The following PEX5L variants were observed in gnomAD, a reference collection of about 807,000 sequenced individuals.
PEX5L encodes the protein peroxisomal biogenesis factor 5 like.
PEX5L carries 30 observed loss-of-function variants against 84.0 expected under a neutral mutation model. That is an observed-to-expected ratio of 0.36 (90% CI 0.27 to 0.48). The LOEUF (loss-of-function observed/expected upper bound fraction) is 0.48. Among genes scored for constraint, PEX5L ranks in the 20% least tolerant of loss-of-function variants. PEX5L has a pLI of 0.99. For missense variants in PEX5L, 533 were observed against 754.6 expected (o/e 0.71, Z 3.44); for synonymous variants, 270 against 283.1 (o/e 0.95, Z 0.46).
At chr3:179,902,328 C>G (rs1358080274) in intron 2 of PEX5L, among the ~76,000 whole-genome samples, 1 of 152,190 alleles carries the variant, frequency 6.6e-6, no homozygotes, top group Non-Finnish European at 1.5e-5. Context: ...GAGGGCTCTC[C>G]CTGCTGCCCT....
At chr3:180,001,124 T>C (rs6773711) in intron 1 of PEX5L, among the ~76,000 whole-genome samples, 11,861 of 151,864 alleles carry the variant, frequency 0.078, 742 homozygotes, top group African/African-American at 0.17. Context: ...GGCAGGAAAA[T>C]GTGAAAAGAC....
chr3:180,010,993 G>C (rs542915685), intron 1 of PEX5L, among the ~76,000 whole-genome samples: 1 of 152,130 alleles, frequency 6.6e-6, no homozygotes, highest in Admixed American at 6.6e-5. Flanking sequence ...TCAAATACAG[G>C]GTCTTCCACT....
chr3:179,916,537 ATAC>A (rs1767163187), intron 2 of PEX5L, among the ~76,000 whole-genome samples: 1 of 152,218 alleles, frequency 6.6e-6, no homozygotes, highest in African/African-American at 2.4e-5. Context: ...ACATTACTGT[ATAC>A]TACTGTAGAC....
Position 180,036,753 on chromosome 3 carries a change from G to T in PEX5L, c.-154C>A, listed in dbSNP as rs1259061579. The stretch of plus-strand genomic sequence containing the variant: ...AGCTCCGGGTACTCGGCCGGCCGGC[G>T]GCCACTCGGCAGCGCTGCGGGCTGC... On this transcript the variant is annotated 5_prime_UTR_variant, in exon 1 of 15. Coordinates refer to ENST00000467460, the MANE Select transcript of PEX5L (RefSeq NM_016559.3). 15 of 767,780 alleles carry T rather than the reference G, an allele frequency of 2.0e-5. No individual in the cohort carries two copies. The highest frequency in any genetic ancestry group is 3.2e-5 in the Non-Finnish European group (14 of 433,986). The allele number at this position is 767,780 out of a possible 1,614,324, so 47.6% of individuals were successfully genotyped here.
In PEX5L at chr3:179,800,579, A is replaced by G. The variant is rs1321703516; in HGVS notation, c.*1249T>C. 2 of 152,240 alleles carry G rather than the reference A, an allele frequency of 1.3e-5. No homozygotes were observed. Among genetic ancestry groups the G allele is most frequent in the African/African-American group, 4.8e-5 (2 of 41,464 alleles). 9.4% of individuals were successfully genotyped at this position (152,240 alleles called of 1,614,324 possible). A position where few individuals can be genotyped will look rare whatever the true frequency, so the allele number is the denominator to read the frequency against. On this transcript the variant is annotated 3_prime_UTR_variant, in exon 15 of 15. Transcript: ENST00000467460. ...TCAACCAATTAAAACACCACTGCTAATAGAAAATTCCCAATACTTGCTAAA... is the reference window on the plus strand; with the variant it reads ...TCAACCAATTAAAACACCACTGCTAGTAGAAAATTCCCAATACTTGCTAAA...
At chr3:179,871,317 G>A (rs1209299506) in intron 7 of PEX5L, among the ~76,000 whole-genome samples, 1 of 151,976 alleles carries the variant, frequency 6.6e-6, no homozygotes, top group Non-Finnish European at 1.5e-5. Flanking sequence ...TACCCAGGCT[G>A]CTTTCGAACT....
At chr3:179,882,098 C>G (rs1284401478) in intron 4 of PEX5L, among the ~76,000 whole-genome samples, 1 of 152,152 alleles carries the variant, frequency 6.6e-6, no homozygotes, top group Non-Finnish European at 1.5e-5. Flanking sequence ...ATGTGATGTC[C>G]TTATAATGGA....
At chr3:180,004,615 C>T (rs573958653) in intron 1 of PEX5L, among the ~76,000 whole-genome samples, 16 of 151,844 alleles carry the variant, frequency 1.1e-4, no homozygotes, top group East Asian at 7.7e-4. Context: ...TGTTTTTTGC[C>T]GAAGTTCAAA....
At chr3:179,943,165 G>A (rs1010841684) in intron 2 of PEX5L, among the ~76,000 whole-genome samples, 6 of 152,126 alleles carry the variant, frequency 3.9e-5, no homozygotes, top group African/African-American at 1.4e-4. Flanking sequence ...TCCTATTTAT[G>A]GTAGATGAAG....
intron 11 of PEX5L, among the ~76,000 whole-genome samples, chr3:179,810,292 C>A (rs1469212457): frequency 6.6e-6 from 1 of 152,020 alleles, no homozygotes; most frequent in East Asian, 1.9e-4. Context: ...CAGGTGTAAG[C>A]CACCACACCT....
intron 2 of PEX5L, among the ~76,000 whole-genome samples, chr3:179,901,228 AC>A (rs1263486486): frequency 8.8e-5 from 13 of 146,910 alleles, no homozygotes; most frequent in Non-Finnish European, 1.6e-4. Flanking sequence ...CAGACTTCAG[AC>A]TCAATTTTCA....
intron 8 of PEX5L, among the ~76,000 whole-genome samples, chr3:179,842,984 T>C (rs1183309363): frequency 6.6e-6 from 1 of 152,036 alleles, no homozygotes; most frequent in East Asian, 1.9e-4. Flanking sequence ...AATTCAATCA[T>C]ACTAGATGTT....
At chr3:180,028,788 C>T (rs1467956302) in intron 1 of PEX5L, among the ~76,000 whole-genome samples, 1 of 152,224 alleles carries the variant, frequency 6.6e-6, no homozygotes, top group African/African-American at 2.4e-5. Context: ...TGAACATTAA[C>T]ACCATCGTTG....
intron 4 of PEX5L, 42 bp from the exon 5 acceptor site, chr3:179,880,165 T>G (rs781724712): frequency 8.1e-7 from 1 of 1,237,334 alleles, no homozygotes; most frequent in Admixed American, 2.4e-5. Flanking sequence ...CATTTACTAC[T>G]CTGAAATTAT....
intron 14 of PEX5L, among the ~76,000 whole-genome samples, chr3:179,803,192 G>C (rs1376986947): frequency 6.6e-6 from 1 of 152,168 alleles, no homozygotes; most frequent in Non-Finnish European, 1.5e-5. Flanking sequence ...TAGTAAGCAA[G>C]ATATGAAACA....
chr3:179,855,840 T>C (rs894405775), intron 8 of PEX5L, among the ~76,000 whole-genome samples: 1 of 152,190 alleles, frequency 6.6e-6, no homozygotes, highest in Admixed American at 6.5e-5. Flanking sequence ...ACCAAATCTG[T>C]TGGCAACTTG....
At chr3:179,907,106 G>T (rs973191879) in intron 2 of PEX5L, among the ~76,000 whole-genome samples, 5 of 151,996 alleles carry the variant, frequency 3.3e-5, no homozygotes, top group African/African-American at 1.2e-4. Context: ...CAATGAAAAT[G>T]TTCCCTTGGA....
intron 2 of PEX5L, among the ~76,000 whole-genome samples, chr3:179,952,787 T>C (rs963667119): frequency 2.6e-5 from 4 of 152,316 alleles, no homozygotes; most frequent in Middle Eastern, 3.4e-3. Context: ...AGAGCCCGTA[T>C]AGCCAAGACA....
At chr3:179,816,258 G>A (rs188826568) in intron 9 of PEX5L, among the ~76,000 whole-genome samples, 13 of 152,168 alleles carry the variant, frequency 8.5e-5, no homozygotes, top group Admixed American at 7.2e-4. Context: ...TATACCCAAA[G>A]GATCATTCTA....
Sources: allele counts gnomAD v4.1 joint callset (sites outside exome capture counted in the v4.1 genomes callset), GRCh38; gene constraint gnomAD v4.1.1; transcripts MANE v1.5; gene names NCBI Gene and HGNC (gene_info 2026-07-23, HGNC 2026-07-21).